Variants in COBLL1 observed in about 807,000 individuals in gnomAD.
The protein encoded by COBLL1 is cordon-bleu WH2 repeat protein like 1.
In COBLL1, 50 loss-of-function variants were observed where a neutral mutation model predicts 94.8. The ratio of observed to expected loss-of-function variants is 0.53; its 90% confidence interval spans 0.42 to 0.67. The LOEUF is 0.67. Among genes scored for constraint, COBLL1 ranks in the 30% least tolerant of loss-of-function variants. COBLL1 has a pLI of 0.00. For missense variants in COBLL1, 1,362 were observed against 1,348.7 expected, an observed-to-expected ratio of 1.01 and a Z score of -0.15; for synonymous variants, 448 against 473.8, an observed-to-expected ratio of 0.95 and a Z score of 0.71.
chr2:164,814,610 CAAT>C (rs1684626390), intron 2 of COBLL1, among the ~76,000 whole-genome samples: 1 of 151,782 alleles, frequency 6.6e-6, no homozygotes, highest in Admixed American at 6.6e-5. Flanking sequence ...TTTTTTCCCA[CAAT>C]AATTCATTGA....
chr2:164,797,122 G>A (rs149604485), intron 2 of COBLL1, among the ~76,000 whole-genome samples: 1 of 152,216 alleles, frequency 6.6e-6, no homozygotes, highest in East Asian at 1.9e-4. Context: ...GGAAAATGAA[G>A]TATTATTTCT....
intron 4 of COBLL1, 119 bp downstream of exon 4, chr2:164,729,795 A>G: frequency 1.2e-6 from 1 of 866,192 alleles, no homozygotes; most frequent in South Asian, 1.7e-5. Flanking sequence ...AAGTGCCTAG[A>G]AAAACATAAT....
At chr2:164,827,038 C>T (rs76827260) in intron 2 of COBLL1, among the ~76,000 whole-genome samples, 6,234 of 152,128 alleles carry the variant, frequency 0.041, 403 homozygotes, top group East Asian at 0.34. Flanking sequence ...GCAACCTCCA[C>T]CTCCCTGGTT....
chr2:164,757,985 C>T (rs531008624), intron 2 of COBLL1, among the ~76,000 whole-genome samples: 1 of 151,494 alleles, frequency 6.6e-6, no homozygotes, highest in Non-Finnish European at 1.5e-5. Flanking sequence ...AGAAAAACAT[C>T]TTGGGGAAAA....
intron 2 of COBLL1, among the ~76,000 whole-genome samples, chr2:164,803,614 A>C: frequency 6.6e-6 from 1 of 152,090 alleles, no homozygotes. Context: ...AATAAAAAGC[A>C]AAGTTTGACA....
At chr2:164,723,738 TGAAAG>T (rs1022342454) in intron 5 of COBLL1, 23 of 152,328 alleles carry the variant, frequency 1.5e-4, no homozygotes, top group African/African-American at 5.1e-4. Context: ...TAAAAACTGA[TGAAAG>T]GAAATCATCC....
chr2:164,840,953 A>C, intron 2 of COBLL1: 1 of 457,932 alleles, frequency 2.2e-6, no homozygotes, highest in Non-Finnish European at 3.5e-6. Context: ...TAGGAAGGCA[A>C]CCAAAAACGA....
rs949027961 is a variant in COBLL1, at chr2:164,685,056, T to C, written c.*890A>G. On this transcript the variant is annotated 3_prime_UTR_variant, in exon 14 of 14. Transcript: ENST00000652658. ...TATAATGACTATTTTATCATTTTAC[T>C]TGAATTAAAACCAGAATTTCTGGAA... The C allele has an allele frequency of 3.9e-5, 6 of 152,172 alleles. No individual in the cohort carries two copies. Among genetic ancestry groups the C allele is most frequent in the Non-Finnish European group, 5.9e-5 (4 of 68,024 alleles). The allele number at this position is 152,172 out of a possible 1,614,324, so 9.4% of individuals were successfully genotyped here.
chr2:164,774,300 C>G (rs549315063), intron 2 of COBLL1, among the ~76,000 whole-genome samples: 1 of 152,282 alleles, frequency 6.6e-6, no homozygotes, highest in Admixed American at 6.5e-5. Context: ...GGGCAAACAT[C>G]ATTTTCTACC....
intron 3 of COBLL1, among the ~76,000 whole-genome samples, chr2:164,735,984 T>C (rs1398171842): frequency 6.6e-6 from 1 of 152,246 alleles, no homozygotes; most frequent in Non-Finnish European, 1.5e-5. Context: ...CAGCAGAGTC[T>C]GCTTTGCATT....
chr2:164,706,172 C>A (rs1684590795), intron 7 of COBLL1, among the ~76,000 whole-genome samples: 2 of 152,138 alleles, frequency 1.3e-5, no homozygotes. Flanking sequence ...CACCAAAGAC[C>A]TTGACTATGA....
At chr2:164,761,918 A>G (rs77095479) in intron 2 of COBLL1, among the ~76,000 whole-genome samples, 2,359 of 152,300 alleles carry the variant, frequency 0.015, 27 homozygotes, top group South Asian at 0.027. Context: ...TTTTCTCAGC[A>G]AAGAATGAAT....
At chr2:164,787,780 T>C (rs554280389) in intron 2 of COBLL1, among the ~76,000 whole-genome samples, 1 of 152,174 alleles carries the variant, frequency 6.6e-6, no homozygotes, top group African/African-American at 2.4e-5. Flanking sequence ...GCTCATAACA[T>C]CCCAACTTGT....
intron 2 of COBLL1, among the ~76,000 whole-genome samples, chr2:164,839,942 T>A (rs894559214): frequency 6.6e-6 from 1 of 152,134 alleles, no homozygotes; most frequent in Non-Finnish European, 1.5e-5. Context: ...AATGAAATAA[T>A]TAATACACTA....
intron 10 of COBLL1, 26 bp from the exon 11 acceptor site, chr2:164,699,525 T>C (rs773219795): frequency 1.4e-5 from 19 of 1,362,030 alleles, no homozygotes; most frequent in South Asian, 7.0e-5. Flanking sequence ...TTGTATGTTA[T>C]ATGTTGATAC....
At chr2:164,763,560 C>A (rs1224803007) in intron 2 of COBLL1, among the ~76,000 whole-genome samples, 1 of 152,092 alleles carries the variant, frequency 6.6e-6, no homozygotes, top group African/African-American at 2.4e-5. Context: ...AAACAAAAGA[C>A]TAGAAACAAA....
At chr2:164,686,909 T>TTC (rs1388755071) in intron 13 of COBLL1, among the ~76,000 whole-genome samples, 1 of 152,240 alleles carries the variant, frequency 6.6e-6, no homozygotes, top group Non-Finnish European at 1.5e-5. Flanking sequence ...GCCACAGATT[T>TTC]TCCTATTAAC....
chr2:164,672,114 G>T (rs1128249), intron 1 of COBLL1, among the ~76,000 whole-genome samples: 69,372 of 152,026 alleles, frequency 0.46, 18,310 homozygotes, highest in African/African-American at 0.73. Flanking sequence ...TCTTTGCATA[G>T]AGATGAACAC....
chr2:164,782,646 CATTAAAATG>C (rs1688771424), intron 2 of COBLL1, among the ~76,000 whole-genome samples: 1 of 152,076 alleles, frequency 6.6e-6, no homozygotes, highest in African/African-American at 2.4e-5. Flanking sequence ...GTGTCTTACA[CATTAAAATG>C]ATTAAAATGG....
Sources: allele counts gnomAD v4.1 joint callset (sites outside exome capture counted in the v4.1 genomes callset), GRCh38; gene constraint gnomAD v4.1.1; transcripts MANE v1.5; gene names NCBI Gene and HGNC (gene_info 2026-07-23, HGNC 2026-07-21).